Variants in ENGASE observed in about 807,000 individuals in gnomAD.
ENGASE encodes the protein endo-beta-N-acetylglucosaminidase, also known as cytosolic endo-beta-N-acetylglucosaminidase.
In ENGASE, 69 loss-of-function variants were observed where a neutral mutation model predicts 78.5. The observed-to-expected ratio is 0.88, with a 90% CI of 0.72 to 1.07. The LOEUF (loss-of-function observed/expected upper bound fraction) is 1.07. Among genes scored for constraint, ENGASE ranks in the 50% least tolerant of loss-of-function variants. ENGASE has a pLI of 0.00. For synonymous variants in ENGASE, 408 were observed against 408.9 expected (o/e 1.00, Z 0.03); for missense variants, 943 against 988.4 (o/e 0.95, Z 0.62).
rs147106660 is a variant in ENGASE at position 79,082,717 on chromosome 17, A to G, written c.1039-303A>G. The G allele has an allele frequency of 2.6e-4, 364 of 1,383,228 alleles. 1 individual carries two copies. The African/African-American group carries it at 4.7e-3, about 18-fold the overall frequency. 85.7% of individuals were successfully genotyped at this position (1,383,228 alleles called of 1,614,324 possible). ...CTCTTTACTGCCCGTGATTCTGATA[A>G]TCGAATGAGAGGTGTGCCAGAGGAC... On this transcript the variant is annotated intron_variant, in intron 7 of 13. Transcript: ENST00000579016.
chr17:79,077,408 G>C (rs765534551), intron 1 of ENGASE, 22 bp from the exon 2 acceptor site: 3 of 1,596,222 alleles, frequency 1.9e-6, no homozygotes, highest in Non-Finnish European at 1.7e-6. Flanking sequence ...ATTTATAAAT[G>C]TACAACTCCC....
At chr17:79,080,006 C>T (rs2073084656) in intron 4 of ENGASE, among the ~76,000 whole-genome samples, 1 of 152,264 alleles carries the variant, frequency 6.6e-6, no homozygotes, top group South Asian at 2.1e-4. Context: ...GCCTCAATCC[C>T]GATCGTTGAT....
chr17:79,084,710 G>T, intron 11 of ENGASE, 24 bp downstream of exon 11: 5 of 1,609,606 alleles, frequency 3.1e-6, no homozygotes, highest in Non-Finnish European at 3.4e-6. Flanking sequence ...GCCCAGGCCT[G>T]CCTCTGCCCA....
In ENGASE at chr17:79,085,638, G is replaced by C. The variant is rs763382329; in HGVS notation, c.1719G>C (p.Leu573=). The change falls in exon 13 of 14, where the codon CTG becomes CTC. Residue 573 remains leucine, a synonymous_variant. Coordinates refer to ENST00000579016, the MANE Select transcript of ENGASE (RefSeq NM_001042573.3). ...CCCGTAGCTGCTACGAGGTGAGCCTGCGTGGGTGCCTGCTGCTAGACCTCC... is the reference window on the plus strand; with the variant it reads ...CCCGTAGCTGCTACGAGGTGAGCCTCCGTGGGTGCCTGCTGCTAGACCTCC... ...GWVQHCYEVS[L]RGCLLLDLLV... 3 of 1,613,872 alleles carry C rather than the reference G, an allele frequency of 1.9e-6. No individual in the cohort carries two copies. Among genetic ancestry groups the C allele is most frequent in the Admixed American group, 3.3e-5 (2 of 60,028 alleles).
rs779707926 is a variant in ENGASE, at chr17:79,083,041, C to T, written c.1060C>T (p.His354Tyr). ...TCAGTCGTTGGAGCTGATCCGAAAG[C>T]ATGGCTTCTCCGTGGCTTTGTTTGC... Reference protein sequence around the residue: ...TDKSLELIRKHGFSVALFAPG... With the variant: ...TDKSLELIRKYGFSVALFAPG... The change falls in exon 8 of 14, where the codon CAT becomes TAT. Residue 354 changes from histidine to tyrosine, a missense_variant. Coordinates refer to ENST00000579016, the MANE Select transcript of ENGASE (RefSeq NM_001042573.3). The surrounding 1 kb of genome is among the most constrained non-coding windows in gnomAD (Gnocchi z 4.9). The T allele has an allele frequency of 6.2e-7, 1 of 1,614,054 alleles. No individual in the cohort carries two copies. The highest frequency in any genetic ancestry group is 2.2e-5 in the East Asian group (1 of 44,878).
intron 11 of ENGASE, 78 bp from the exon 12 acceptor site, chr17:79,085,156 G>A (rs957658869): frequency 3.4e-6 from 4 of 1,163,228 alleles, no homozygotes; most frequent in African/African-American, 1.5e-5. Flanking sequence ...CTGGACTCCT[G>A]GGGCGCCCTT....
At chr17:79,079,453 C>A in intron 3 of ENGASE, 36 bp from the exon 4 acceptor site, 1 of 1,597,112 alleles carries the variant, frequency 6.3e-7, no homozygotes, top group Non-Finnish European at 8.5e-7. Context: ...AAGGCATGAG[C>A]TGCCGTGGCC....
rs531156752 is a variant in ENGASE, at chr17:79,084,444, T to TC, written c.1443-92dup. On this transcript the variant is annotated intron_variant, in intron 10 of 13. Transcript: ENST00000579016. ...AGCATTTGGCACCCAGGCCCCCTGT[T>TC]CCTGGAGGGAGGGGCTGGTGGACGC... The TC allele has an allele frequency of 2.6e-4, 334 of 1,302,162 alleles. 1 individual carries two copies. The African/African-American group carries it at 4.6e-3, about 18-fold the overall frequency. The allele number at this position is 1,302,162 out of a possible 1,614,324, so 80.7% of individuals were successfully genotyped here.
chr17:79,076,667 A>C (rs2072975076), intron 1 of ENGASE, among the ~76,000 whole-genome samples: 1 of 152,246 alleles, frequency 6.6e-6, no homozygotes, highest in African/African-American at 2.4e-5. Flanking sequence ...CCTGTAACAT[A>C]CATCCATGAA....
chr17:79,081,196 A>G (rs996849489), intron 6 of ENGASE, 123 bp downstream of exon 6: 128 of 1,259,918 alleles, frequency 1.0e-4, no homozygotes, highest in Middle Eastern at 5.7e-4. Flanking sequence ...ATATGACTGC[A>G]TTGGGTAAAA....
At position 79,083,255 on chromosome 17, in the gene ENGASE, G is replaced by T. The variant is rs749364805; in HGVS notation, c.1142+132G>T. 4.2e-5 allele frequency: 33 copies of T among 783,992 alleles called. No homozygotes were observed. Among genetic ancestry groups the T allele is most frequent in the Non-Finnish European group, 6.3e-5 (31 of 490,042 alleles). The allele number at this position is 783,992 out of a possible 1,614,324, so 48.6% of individuals were successfully genotyped here. Reference sequence around the variant, plus strand: ...GGGTGGTTAAGGGAGGATGACAGGGGAGGAAGCCAGCACCCTGGCTGCTTC... The same window carrying T: ...GGGTGGTTAAGGGAGGATGACAGGGTAGGAAGCCAGCACCCTGGCTGCTTC... On this transcript the variant is annotated intron_variant, in intron 8 of 13. Transcript: ENST00000579016. This position sits in a 1 kb window ranked among gnomAD's most constrained non-coding sequence, Gnocchi z 4.9.
In ENGASE at chr17:79,083,740, CT is replaced by C; in HGVS notation, c.1252-20del. The C allele has an allele frequency of 6.2e-7, 1 of 1,600,262 alleles. No individual in the cohort carries two copies. The highest frequency in any genetic ancestry group is 1.1e-5 in the South Asian group (1 of 89,514). On this transcript the variant is annotated intron_variant, in intron 9 of 13. Transcript: ENST00000579016. The surrounding 1 kb of genome is among the most constrained non-coding windows in gnomAD (Gnocchi z 4.9). ...CTCTGTTGGCCTCTGCTGAGTGCCCCTGTTCTGCCCTTTTCTTCAGGAAGAG... is the reference window on the plus strand; with the variant it reads ...CTCTGTTGGCCTCTGCTGAGTGCCCCGTTCTGCCCTTTTCTTCAGGAAGAG...
intron 13 of ENGASE, 21 bp downstream of exon 13, chr17:79,085,755 T>C (rs760028107): frequency 1.1e-5 from 17 of 1,611,050 alleles, no homozygotes; most frequent in Admixed American, 1.7e-5. Context: ...CCAGAGGGGC[T>C]CGGGCTGGGC....
rs776501262 is a variant in ENGASE, at chr17:79,082,062, A to AGGTGGGT, written c.1038+5_1038+11dup. ...GTCGGAGGCCGATTCGACACAGACA[A>AGGTGGGT]GGTGGGTGGTGGCTTTCGTCCAAGG... On this transcript the variant is annotated frameshift_variant and splice_region_variant, in exon 7 of 14. Coordinates refer to ENST00000579016, the MANE Select transcript of ENGASE (RefSeq NM_001042573.3). LOFTEE classifies it high-confidence loss of function. 3.7e-6 allele frequency: 6 copies of AGGTGGGT among 1,614,168 alleles called. No homozygotes were observed. In the South Asian group the frequency reaches 6.6e-5, roughly 18 times the overall value.
Position 79,074,893 on chromosome 17 carries a change from G to A in ENGASE, c.-52G>A. Reference sequence around the variant, plus strand: ...GCACTTCCCATTGGCCGAGCGCGGCGCGGGGGCGGGCCCGGGCCTGCGATT... The same window carrying A: ...GCACTTCCCATTGGCCGAGCGCGGCACGGGGGCGGGCCCGGGCCTGCGATT... On this transcript the variant is annotated 5_prime_UTR_variant, in exon 1 of 14. Coordinates refer to ENST00000579016, the MANE Select transcript of ENGASE (RefSeq NM_001042573.3). 1 of 1,243,948 alleles carries A rather than the reference G, an allele frequency of 8.0e-7. No individual in the cohort carries two copies. Among genetic ancestry groups the A allele is most frequent in the Non-Finnish European group, 1.0e-6 (1 of 992,838 alleles). The allele number at this position is 1,243,948 out of a possible 1,614,324, so 77.1% of individuals were successfully genotyped here. A position where few individuals can be genotyped will look rare whatever the true frequency, so the allele number is the denominator to read the frequency against.
Position 79,077,821 on chromosome 17 carries a change from A to G in ENGASE, c.373A>G (p.Thr125Ala). 1 of 1,613,828 alleles carries G rather than the reference A, an allele frequency of 6.2e-7. No individual in the cohort carries two copies. The highest frequency in any genetic ancestry group is 8.5e-7 in the Non-Finnish European group (1 of 1,179,980). Residue 125 changes from threonine (T) to alanine (A), a missense_variant, in exon 3 of 14, where the codon ACT becomes GCT. Thr to Ala is a moderately conservative substitution (Grantham distance 58). Transcript: ENST00000579016. The part of the protein sequence containing the change: ...QPPLSSQRPR[T>A]LLCHDMMGGY... ...CCCTCTGAGCAGCCAGAGGCCCCGG[A>G]CTTTGTTGTGTCATGACATGATGGG...
At chr17:79,080,894 C>T in intron 5 of ENGASE, 31 bp from the exon 6 acceptor site, 1 of 1,593,956 alleles carries the variant, frequency 6.3e-7, no homozygotes, top group Non-Finnish European at 8.6e-7. Context: ...CTGGGGCTCA[C>T]TGAGGCTCTC....
chr17:79,077,290 C>G, intron 1 of ENGASE, 140 bp from the exon 2 acceptor site: 1 of 785,392 alleles, frequency 1.3e-6, no homozygotes, highest in African/African-American at 1.7e-5. Context: ...TTGCTTTATA[C>G]AATGTTTCTA....
rs772341733 is a variant in ENGASE, at chr17:79,083,128, G to A, written c.1142+5G>A. 1 of 1,599,896 alleles carries A rather than the reference G, an allele frequency of 6.3e-7. No homozygotes were observed. The highest frequency in any genetic ancestry group is 1.1e-5 in the South Asian group (1 of 90,588). On this transcript the variant is annotated splice_donor_5th_base_variant and intron_variant, in intron 8 of 13. Transcript: ENST00000579016. This position sits in a 1 kb window ranked among gnomAD's most constrained non-coding sequence, Gnocchi z 4.9. ...TTTCTTCCAGAACCAGGACAAGTGA[G>A]TCCTGCTGTCCTGGGTGCTTAGTGC... is the stretch of plus-strand genomic sequence containing the variant.
Sources: allele counts gnomAD v4.1 joint callset (sites outside exome capture counted in the v4.1 genomes callset), GRCh38; gene constraint gnomAD v4.1.1; non-coding constraint Gnocchi (gnomAD v3.1); transcripts MANE v1.5; gene names NCBI Gene and HGNC (gene_info 2026-07-23, HGNC 2026-07-21).